Variants in IGSF5 observed in about 807,000 individuals in gnomAD.
IGSF5 encodes the protein immunoglobulin superfamily 5 like.
A neutral mutation model predicts 39.4 loss-of-function variants in IGSF5; 41 were observed. That is an observed-to-expected ratio of 1.04 (90% confidence interval 0.81 to 1.35). The LOEUF is 1.35. Ranked by LOEUF, IGSF5 falls within the 40% of genes most tolerant of loss-of-function variation. The pLI, the probability that IGSF5 is intolerant of heterozygous loss-of-function variation, is 0.00. For synonymous variants in IGSF5, 183 were observed against 175.3 expected (o/e 1.04, Z -0.34); for missense variants, 487 against 494.6 (o/e 0.98, Z 0.15).
intron 2 of IGSF5, among the ~76,000 whole-genome samples, chr21:39,753,548 G>A (rs1368896564): frequency 6.6e-6 from 1 of 152,176 alleles, no homozygotes; most frequent in East Asian, 1.9e-4. Context: ...CTGCCTTGAT[G>A]ATCTGTCTAG....
the IGSF5 span, among the ~76,000 whole-genome samples, chr21:39,721,078 G>A: frequency 6.6e-6 from 1 of 152,046 alleles, no homozygotes; most frequent in African/African-American, 2.4e-5. Context: ...TTTCCAAATG[G>A]GAGATTAAAT....
At chr21:39,768,928 T>C (rs373349257) in intron 3 of IGSF5, among the ~76,000 whole-genome samples, 2 of 152,276 alleles carry the variant, frequency 1.3e-5, no homozygotes, top group African/African-American at 2.4e-5. Context: ...GAAGTCATGA[T>C]TGTTTTCATA....
chr21:39,765,117 C>G lies in IGSF5; in HGVS notation c.101-418C>G, dbSNP rs60484104. Among the ~76,000 whole-genome samples the G allele has an allele frequency of 5.1e-3, 775 of 152,302 alleles. 29 individuals are homozygous for G. In the East Asian group the frequency reaches 0.088, roughly 17 times the overall value. ...ACATGATGTTCTTCTCTGCAGGCCT[C>G]TGTGTCTCAAATCTCACTCTGCATT... On this transcript the variant is annotated intron_variant, in intron 2 of 8. Coordinates refer to ENST00000380588, the MANE Select transcript of IGSF5 (RefSeq NM_001080444.2).
intron 2 of IGSF5, among the ~76,000 whole-genome samples, chr21:39,748,065 G>A (rs2079984567): frequency 6.6e-6 from 1 of 152,088 alleles, no homozygotes; most frequent in Admixed American, 6.6e-5. Context: ...TTTCTGTGGA[G>A]GGAGAAACAC....
chr21:39,763,916 T>A (rs1490510843), intron 2 of IGSF5, among the ~76,000 whole-genome samples: 1 of 152,194 alleles, frequency 6.6e-6, no homozygotes, highest in Non-Finnish European at 1.5e-5. Flanking sequence ...CAAAGAGATC[T>A]TGGATCAGAG....
the IGSF5 span, among the ~76,000 whole-genome samples, chr21:39,735,184 A>G: frequency 1.3e-5 from 2 of 152,150 alleles, no homozygotes; most frequent in South Asian, 2.1e-4. Context: ...AATCATTTTT[A>G]AAAAACAAAT....
Position 39,771,003 on chromosome 21 carries a change from C to A in IGSF5, c.506C>A (p.Thr169Asn). 1 of 1,613,674 alleles carries A rather than the reference C, an allele frequency of 6.2e-7. No homozygotes were observed. The change falls in exon 4 of 9, where the codon ACC (threonine) becomes AAC (asparagine). Residue 169 changes from threonine (T) to asparagine (N), a missense_variant. Coordinates refer to ENST00000380588, the MANE Select transcript of IGSF5 (RefSeq NM_001080444.2). ...GTTACTTGTCTACCCTCACACTGGA[C>A]CCGGCTCCCGGATATTTCCTGGGAG... The part of the protein sequence containing the change: ...CEVTCLPSHW[T>N]RLPDISWELG...
At chr21:39,751,186 G>A (rs1187964021) in intron 2 of IGSF5, 1 of 152,302 alleles carries the variant, frequency 6.6e-6, no homozygotes, top group Admixed American at 6.5e-5. Flanking sequence ...CTTTGGTTCT[G>A]GTGAGGCAGC....
intron 8 of IGSF5, among the ~76,000 whole-genome samples, chr21:39,797,781 A>C (rs1386815712): frequency 6.6e-6 from 1 of 152,156 alleles, no homozygotes; most frequent in African/African-American, 2.4e-5. Flanking sequence ...TGGGCCTCCC[A>C]AAGCATTGGG....
intron 7 of IGSF5, among the ~76,000 whole-genome samples, chr21:39,792,397 G>A (rs2086970701): frequency 6.6e-6 from 1 of 152,096 alleles, no homozygotes; most frequent in Non-Finnish European, 1.5e-5. Context: ...GGGGAAGGGG[G>A]AAGGATAGCA....
At chr21:39,760,784 A>G (rs1459590643) in intron 2 of IGSF5, among the ~76,000 whole-genome samples, 1 of 152,210 alleles carries the variant, frequency 6.6e-6, no homozygotes, top group East Asian at 1.9e-4. Context: ...GTTGGCCAGG[A>G]TGGTCTCGAT....
the IGSF5 span, among the ~76,000 whole-genome samples, chr21:39,713,235 T>A: frequency 6.6e-6 from 1 of 152,096 alleles, no homozygotes; most frequent in Non-Finnish European, 1.5e-5. Context: ...TGGGAGAGTG[T>A]CTCGGACACC....
chr21:39,757,049 G>A (rs1011927517), intron 2 of IGSF5, among the ~76,000 whole-genome samples: 3 of 113,688 alleles, frequency 2.6e-5, no homozygotes, highest in Admixed American at 8.8e-5. Context: ...CAGTCCCCCC[G>A]AGAGCCTTAG....
At chr21:39,773,724 C>T (rs944199356) in intron 4 of IGSF5, among the ~76,000 whole-genome samples, 5 of 152,114 alleles carry the variant, frequency 3.3e-5, no homozygotes, top group African/African-American at 1.2e-4. Context: ...TCCAGAGAAC[C>T]AACCTTAAAT....
At chr21:39,739,985 T>C in the IGSF5 span, among the ~76,000 whole-genome samples, 6 of 152,178 alleles carry the variant, frequency 3.9e-5, no homozygotes, top group Non-Finnish European at 5.9e-5. Context: ...AAATAACAAT[T>C]TGGCCATCTG....
At chr21:39,714,910 C>A in the IGSF5 span, among the ~76,000 whole-genome samples, 1 of 152,148 alleles carries the variant, frequency 6.6e-6, no homozygotes, top group Non-Finnish European at 1.5e-5. Context: ...CTTGTGGGTT[C>A]TACCAACTGT....
chr21:39,759,423 G>C (rs576382671), intron 2 of IGSF5, among the ~76,000 whole-genome samples: 1 of 151,898 alleles, frequency 6.6e-6, no homozygotes, highest in African/African-American at 2.4e-5. Flanking sequence ...GGGACTGACT[G>C]TAGGGTTAAC....
At chr21:39,719,605 G>A in the IGSF5 span, among the ~76,000 whole-genome samples, 1 of 152,182 alleles carries the variant, frequency 6.6e-6, no homozygotes, top group Admixed American at 6.5e-5. Flanking sequence ...TATGAGGAGA[G>A]ACAGAAGAAA....
At chr21:39,800,525 C>T (rs957969571) in intron 8 of IGSF5, among the ~76,000 whole-genome samples, 3 of 152,208 alleles carry the variant, frequency 2.0e-5, no homozygotes, top group Admixed American at 6.5e-5. Context: ...GTCCAGTTTT[C>T]CCTGTGTTAT....
Sources: gnomAD v4.1 joint callset for allele counts (sites outside exome capture counted in the v4.1 genomes callset) on GRCh38, gnomAD v4.1.1 for gene constraint, MANE v1.5 for transcripts, NCBI Gene and HGNC (gene_info 2026-07-23, HGNC 2026-07-21) for gene names.